The following GPATCH2 variants were observed in gnomAD, a reference collection of about 807,000 sequenced individuals.
The protein encoded by GPATCH2 is G patch domain-containing protein 2.
GPATCH2 carries 51 observed loss-of-function variants against 58.0 expected under a neutral mutation model. That is an observed-to-expected ratio of 0.88 (90% CI 0.70 to 1.11). GPATCH2 has a LOEUF of 1.11. Ranked by LOEUF, GPATCH2 falls within the 50% of genes most tolerant of loss-of-function variation. The pLI is 0.00. For missense variants in GPATCH2, 625 were observed against 652.2 expected, an observed-to-expected ratio of 0.96 and a Z score of 0.45; for synonymous variants, 222 against 218.5, an observed-to-expected ratio of 1.02 and a Z score of -0.14.
chr1:217,541,322 C>T (rs1009987783), intron 5 of GPATCH2, among the ~76,000 whole-genome samples: 2 of 152,172 alleles, frequency 1.3e-5, no homozygotes, highest in East Asian at 1.9e-4. Flanking sequence ...CAACACAATT[C>T]GGCAGTAGAA....
At chr1:217,622,420 A>G (rs1404077857) in intron 1 of GPATCH2, among the ~76,000 whole-genome samples, 1 of 152,268 alleles carries the variant, frequency 6.6e-6, no homozygotes, top group African/African-American at 2.4e-5. Context: ...TATTTAATAT[A>G]AACAAAAAAT....
At chr1:217,477,445 T>C (rs867570504) in intron 8 of GPATCH2, among the ~76,000 whole-genome samples, 2 of 151,634 alleles carry the variant, frequency 1.3e-5, no homozygotes, top group African/African-American at 4.8e-5. Context: ...CAGAACTTGG[T>C]TCCTGTATGG....
chr1:217,565,201 G>GA, intron 5 of GPATCH2, among the ~76,000 whole-genome samples: 1 of 152,060 alleles, frequency 6.6e-6, no homozygotes, highest in East Asian at 1.9e-4. Context: ...CAAGTCCCTG[G>GA]AATTCCTTTA....
chr1:217,610,832 A>T, intron 4 of GPATCH2, 57 bp downstream of exon 4: 1 of 1,174,370 alleles, frequency 8.5e-7, no homozygotes, highest in Non-Finnish European at 1.2e-6. Flanking sequence ...CCTTGAATGA[A>T]TATTCCTAGA....
At chr1:217,460,202 G>A (rs1660142678) in intron 8 of GPATCH2, among the ~76,000 whole-genome samples, 2 of 152,072 alleles carry the variant, frequency 1.3e-5, no homozygotes. Context: ...ACTGTTACTT[G>A]TCAAAGATCC....
intron 9 of GPATCH2, among the ~76,000 whole-genome samples, chr1:217,437,182 G>A (rs1353554807): frequency 6.6e-6 from 1 of 152,092 alleles, no homozygotes; most frequent in Non-Finnish European, 1.5e-5. Context: ...TGTGCCTTGA[G>A]GAACAGTGCA....
intron 7 of GPATCH2, among the ~76,000 whole-genome samples, chr1:217,495,702 T>A (rs571069018): frequency 1.3e-5 from 2 of 152,304 alleles, no homozygotes; most frequent in East Asian, 3.9e-4. Flanking sequence ...ACCAACATAG[T>A]ATAATTACTG....
chr1:217,524,597 G>T (rs1335454533), intron 5 of GPATCH2, among the ~76,000 whole-genome samples: 1 of 151,724 alleles, frequency 6.6e-6, no homozygotes, highest in Non-Finnish European at 1.5e-5. Flanking sequence ...AGGAGACTCC[G>T]TCTGCAATCC....
chr1:217,625,493 TAAAC>T (rs1258590539), intron 1 of GPATCH2, among the ~76,000 whole-genome samples: 4 of 152,104 alleles, frequency 2.6e-5, no homozygotes, highest in African/African-American at 9.7e-5. Flanking sequence ...CCCCGAGAAA[TAAAC>T]AGTCAACTAT....
intron 5 of GPATCH2, among the ~76,000 whole-genome samples, chr1:217,578,186 A>C (rs1459771510): frequency 6.6e-6 from 1 of 151,834 alleles, no homozygotes; most frequent in East Asian, 1.9e-4. Context: ...AAGACACAAA[A>C]AGGTAGTTTT....
Position 217,428,812 on chromosome 1 carries a change from G to T in GPATCH2, c.*2333C>A, listed in dbSNP as rs1658412499. 1 of 152,214 alleles carries T rather than the reference G, an allele frequency of 6.6e-6. No homozygotes were observed. Among genetic ancestry groups the T allele is most frequent in the Non-Finnish European group, 1.5e-5 (1 of 68,042 alleles). The allele number at this position is 152,214 out of a possible 1,614,324, so 9.4% of individuals were successfully genotyped here. ...GAAGCTAAGTTAACATCCCACAGAA[G>T]TTGCTTCAGAAGATTTGTACCTGTC... is the stretch of plus-strand genomic sequence containing the variant. On this transcript the variant is annotated 3_prime_UTR_variant, in exon 10 of 10. Coordinates refer to ENST00000366935, the MANE Select transcript of GPATCH2 (RefSeq NM_018040.5).
intron 5 of GPATCH2, among the ~76,000 whole-genome samples, chr1:217,607,514 G>A (rs12184249): frequency 0.19 from 28,225 of 152,020 alleles, 2,937 homozygotes; most frequent in Middle Eastern, 0.25. Context: ...TTGTTCAGCC[G>A]TAAGTTATAG....
intron 5 of GPATCH2, among the ~76,000 whole-genome samples, chr1:217,563,351 T>C (rs1233154640): frequency 6.6e-6 from 1 of 152,156 alleles, no homozygotes; most frequent in African/African-American, 2.4e-5. Context: ...TAAAAAATCA[T>C]ACTATATAAA....
Position 217,431,314 on chromosome 1 carries a change from C to A in GPATCH2, c.1418G>T (p.Arg473Leu), listed in dbSNP as rs537051072. 1.9e-6 allele frequency: 3 copies of A among 1,609,362 alleles called. No individual in the cohort carries two copies. Among genetic ancestry groups the A allele is most frequent in the South Asian group, 1.1e-5 (1 of 90,980 alleles). ...QPILENNIGN[R>L]MLQNMGWTPG... is the part of the protein sequence containing the mutation. Reference sequence around the variant, plus strand: ...CGTCCAGCCCATATTCTGAAGCATTCGGTTTCCAATATTATTTTCTAGGAT... The same window carrying A: ...CGTCCAGCCCATATTCTGAAGCATTAGGTTTCCAATATTATTTTCTAGGAT... The change falls in exon 10 of 10, where the codon CGA becomes CTA. Residue 473 changes from arginine (R) to leucine (L), a missense_variant. Arg to Leu is a moderately radical substitution (Grantham distance 102). Transcript: ENST00000366935.
chr1:217,582,639 T>C (rs1667127773), intron 5 of GPATCH2, among the ~76,000 whole-genome samples: 1 of 152,138 alleles, frequency 6.6e-6, no homozygotes. Context: ...CAAAAGATAA[T>C]GCTTTAAAAT....
chr1:217,431,036 G>T lies in GPATCH2; in HGVS notation c.*109C>A. ...TATGCAGTAAGGAAGCTAGAGTGATGTGTTTGAGGCAATGTAGATTTTTGC... is the reference window on the plus strand; with the variant it reads ...TATGCAGTAAGGAAGCTAGAGTGATTTGTTTGAGGCAATGTAGATTTTTGC... On this transcript the variant is annotated 3_prime_UTR_variant, in exon 10 of 10. Transcript: ENST00000366935. 1.4e-6 allele frequency: 1 copy of T among 720,122 alleles called. No individual in the cohort carries two copies. 44.6% of individuals were successfully genotyped at this position (720,122 alleles called of 1,614,324 possible).
rs1241837253 is a variant in GPATCH2, at chr1:217,430,864, CAT to C, written c.*279_*280del. The C allele has an allele frequency of 3.5e-5, 16 of 458,146 alleles. No homozygotes were observed. Among genetic ancestry groups the C allele is most frequent in the Admixed American group, 1.1e-4 (3 of 26,636 alleles). 28.4% of individuals were successfully genotyped at this position (458,146 alleles called of 1,614,324 possible). ...AGCAAAGCATCGGAAAGTATTGACA[CAT>C]GAGACTAAAATAAATAAGAGAAACG... On this transcript the variant is annotated 3_prime_UTR_variant, in exon 10 of 10. Transcript: ENST00000366935.
At chr1:217,459,975 T>C (rs1022740580) in intron 8 of GPATCH2, among the ~76,000 whole-genome samples, 8 of 152,158 alleles carry the variant, frequency 5.3e-5, no homozygotes, top group Non-Finnish European at 1.2e-4. Context: ...CAGGAAATAA[T>C]AGAATTTAAA....
intron 6 of GPATCH2, among the ~76,000 whole-genome samples, chr1:217,505,967 C>A (rs12117708): frequency 2.2e-4 from 33 of 152,182 alleles, no homozygotes; most frequent in Non-Finnish European, 3.8e-4. Flanking sequence ...GGATTACAGG[C>A]ATGTGCCACC....
Sources: allele counts gnomAD v4.1 joint callset (sites outside exome capture counted in the v4.1 genomes callset), GRCh38; gene constraint gnomAD v4.1.1; transcripts MANE v1.5; gene names NCBI Gene and HGNC (gene_info 2026-07-23, HGNC 2026-07-21).